CCAR1: variants seen among roughly 807,000 people sequenced by gnomAD.
CCAR1 encodes cell division cycle and apoptosis regulator 1.
A neutral mutation model predicts 163.8 loss-of-function variants in CCAR1; 78 were observed. The observed-to-expected ratio is 0.48, with a 90% CI of 0.40 to 0.57. The LOEUF (loss-of-function observed/expected upper bound fraction) is 0.57. Among genes scored for constraint, CCAR1 ranks in the 20% least tolerant of loss-of-function variants. The probability of loss-of-function intolerance (pLI) is 0.00; values close to 1 mark genes in which losing one functional copy is unlikely to be tolerated. For synonymous variants in CCAR1, 443 were observed against 460.7 expected, an observed-to-expected ratio of 0.96 and a Z score of 0.49; for missense variants, 1,019 against 1,365.2, an observed-to-expected ratio of 0.75 and a Z score of 4.00.
At chr10:68,732,443 T>C (rs956877614) in intron 2 of CCAR1, among the ~76,000 whole-genome samples, 2 of 152,054 alleles carry the variant, frequency 1.3e-5, no homozygotes, top group East Asian at 3.9e-4. Context: ...TCTGCCTCCC[T>C]AGTTCAGGCT....
intron 16 of CCAR1, among the ~76,000 whole-genome samples, chr10:68,764,597 TTTCCATC>T (rs541910686): frequency 2.4e-4 from 36 of 152,276 alleles, no homozygotes; most frequent in African/African-American, 8.7e-4. Flanking sequence ...TTGCAGATCT[TTTCCATC>T]TTCCATCCAG....
At chr10:68,761,857 C>T (rs2056475493) in intron 16 of CCAR1, among the ~76,000 whole-genome samples, 1 of 152,084 alleles carries the variant, frequency 6.6e-6, no homozygotes, top group Non-Finnish European at 1.5e-5. Context: ...TTACCTCAGC[C>T]TCTCAAAGTG....
chr10:68,723,105 TA>T (rs1369442735), intron 2 of CCAR1, among the ~76,000 whole-genome samples: 1 of 151,428 alleles, frequency 6.6e-6, no homozygotes, highest in Admixed American at 6.6e-5. Flanking sequence ...CCCAAACATT[TA>T]TTTTTTTATT....
chr10:68,738,224 G>A (rs1260846131), intron 4 of CCAR1, among the ~76,000 whole-genome samples: 2 of 152,162 alleles, frequency 1.3e-5, no homozygotes, highest in Non-Finnish European at 2.9e-5. Flanking sequence ...AGACCAGCCT[G>A]ACCAACATGG....
At chr10:68,722,416 C>A in intron 1 of CCAR1, 39 bp from the exon 2 acceptor site, 1 of 979,462 alleles carries the variant, frequency 1.0e-6, no homozygotes. Flanking sequence ...ATATCTGTAG[C>A]TTGGTTGGAC....
chr10:68,747,640 A>G (rs540519590), intron 8 of CCAR1, 74 bp downstream of exon 8: 35 of 1,355,752 alleles, frequency 2.6e-5, no homozygotes, highest in Non-Finnish European at 3.5e-5. Context: ...TTTAATTACA[A>G]AAAAAGGCAG....
chr10:68,781,190 G>A (rs1443575619), intron 19 of CCAR1, among the ~76,000 whole-genome samples: 1 of 150,572 alleles, frequency 6.6e-6, no homozygotes, highest in Non-Finnish European at 1.5e-5. Flanking sequence ...CTGAGATCAC[G>A]CCACTGCACT....
intron 8 of CCAR1, among the ~76,000 whole-genome samples, 164 bp from the exon 9 acceptor site, chr10:68,748,972 C>A (rs2056295823): frequency 6.6e-6 from 1 of 152,124 alleles, no homozygotes; most frequent in South Asian, 2.1e-4. Context: ...GCCACCGCAG[C>A]CGGCCAGTAC....
intron 8 of CCAR1, among the ~76,000 whole-genome samples, chr10:68,748,547 G>A (rs1004655390): frequency 6.9e-6 from 1 of 145,492 alleles, no homozygotes; most frequent in African/African-American, 2.6e-5. Flanking sequence ...AGAGTGCAGT[G>A]GTGTAATCTT....
chr10:68,730,329 A>G (rs2056019195), intron 2 of CCAR1, among the ~76,000 whole-genome samples: 2 of 146,514 alleles, frequency 1.4e-5, no homozygotes, highest in Non-Finnish European at 3.0e-5. Flanking sequence ...AAAAAAGAAT[A>G]TATATATATA....
chr10:68,771,256 T>G lies in CCAR1; in HGVS notation c.2349T>G (p.Gly783=). The change falls in exon 18 of 25, where the codon GGT becomes GGG. Residue 783 remains glycine, a synonymous_variant. Transcript: ENST00000265872. ...ACGAAATGCTTCAAAGAGATTTTGGTGTCCGTATATACAAATCATTACTGT... is the reference window on the plus strand; with the variant it reads ...ACGAAATGCTTCAAAGAGATTTTGGGGTCCGTATATACAAATCATTACTGT... ...LFNEMLQRDF[G]VRIYKSLLSL... 1 of 1,596,642 alleles carries G rather than the reference T, an allele frequency of 6.3e-7. No homozygotes were observed. The highest frequency in any genetic ancestry group is 8.5e-7 in the Non-Finnish European group (1 of 1,174,862).
At position 68,747,382 on chromosome 10, in the gene CCAR1, G is replaced by A. The variant is rs1387393103; in HGVS notation, c.642G>A (p.Ser214=). The stretch of plus-strand genomic sequence containing the variant: ...TCATTTTTTAATTGAAGAATCAGTC[G>A]CAAACCCAGCCATTACTGAAGACTC... The part of the protein sequence containing the change: ...RIQTLPNQNQ[S]QTQPLLKTPP... Residue 214 remains serine (S), a synonymous_variant, in exon 8 of 25, where the codon TCG becomes TCA. Transcript: ENST00000265872. The A allele has an allele frequency of 9.9e-6, 16 of 1,611,028 alleles. No homozygotes were observed. The highest frequency in any genetic ancestry group is 5.1e-5 in the Admixed American group (3 of 59,384).
intron 17 of CCAR1, among the ~76,000 whole-genome samples, chr10:68,766,873 G>A (rs893619920): frequency 6.6e-6 from 1 of 151,926 alleles, no homozygotes; most frequent in Admixed American, 6.6e-5. Context: ...TTGTTTTTTT[G>A]TTGTAGTCTA....
chr10:68,758,602 T>C (rs12218458), intron 15 of CCAR1, among the ~76,000 whole-genome samples: 20 of 140,968 alleles, frequency 1.4e-4, no homozygotes, highest in Non-Finnish European at 2.6e-4. Context: ...CACACACATA[T>C]ATATACGTGT....
chr10:68,754,186 C>G, intron 11 of CCAR1, 109 bp downstream of exon 11: 1 of 677,502 alleles, frequency 1.5e-6, no homozygotes, highest in Non-Finnish European at 2.4e-6. Flanking sequence ...ACCCGAATAC[C>G]TGTTTTCTTC....
At chr10:68,721,512 G>GC in intron 1 of CCAR1, 1 of 440,712 alleles carries the variant, frequency 2.3e-6, no homozygotes, top group Non-Finnish European at 4.5e-6. Flanking sequence ...CTCCTCAGGT[G>GC]CCCCCAGCGC....
chr10:68,737,240 C>T (rs2056123234), intron 3 of CCAR1, among the ~76,000 whole-genome samples, 192 bp downstream of exon 3: 2 of 152,082 alleles, frequency 1.3e-5, no homozygotes. Flanking sequence ...CATGGTGGCT[C>T]ATGCCTGTAA....
At chr10:68,769,165 CA>C (rs1483429270) in intron 17 of CCAR1, among the ~76,000 whole-genome samples, 1 of 152,110 alleles carries the variant, frequency 6.6e-6, no homozygotes, top group Non-Finnish European at 1.5e-5. Flanking sequence ...TTAGTAAAGA[CA>C]AGTTTCACCA....
intron 24 of CCAR1, among the ~76,000 whole-genome samples, chr10:68,790,558 T>G (rs540030013): frequency 6.6e-6 from 1 of 152,100 alleles, no homozygotes; most frequent in Non-Finnish European, 1.5e-5. Flanking sequence ...GACAGGGTCT[T>G]GCACTTTTGC....
Sources: allele counts gnomAD v4.1 joint callset (sites outside exome capture counted in the v4.1 genomes callset), GRCh38; gene constraint gnomAD v4.1.1; transcripts MANE v1.5; gene names NCBI Gene and HGNC (gene_info 2026-07-23, HGNC 2026-07-21).